The following NLK variants were observed in gnomAD, a reference collection of about 807,000 sequenced individuals.
NLK encodes serine/threonine-protein kinase NLK.
In NLK, 11 loss-of-function variants were observed where a neutral mutation model predicts 59.0. The ratio of observed to expected loss-of-function variants is 0.19; its 90% CI spans 0.12 to 0.31. The LOEUF is 0.31. NLK is among the 10% of genes least tolerant of loss of function. The pLI, the probability that NLK is intolerant of heterozygous loss-of-function variation, is 1.00. For missense variants in NLK, 410 were observed against 661.1 expected, an observed-to-expected ratio of 0.62 and a Z score of 4.16; for synonymous variants, 235 against 235.9, an observed-to-expected ratio of 1.00 and a Z score of 0.03.
chr17:28,087,238 T>G (rs1478075944), intron 1 of NLK, among the ~76,000 whole-genome samples: 1 of 152,160 alleles, frequency 6.6e-6, no homozygotes, highest in Non-Finnish European at 1.5e-5. Context: ...ATTTCAAATA[T>G]TATCTGATTT....
intron 8 of NLK, among the ~76,000 whole-genome samples, chr17:28,188,317 A>G (rs1909191565): frequency 6.6e-6 from 1 of 152,246 alleles, no homozygotes. Context: ...TTGTTACAGA[A>G]CTATTTTTAA....
intron 5 of NLK, 41 bp downstream of exon 5, chr17:28,163,669 A>G: frequency 8.7e-7 from 1 of 1,147,252 alleles, no homozygotes; most frequent in Non-Finnish European, 1.3e-6. Flanking sequence ...AAAAATCAGA[A>G]TGTCAGGGCA....
chr17:28,089,865 C>T (rs1904423190), intron 1 of NLK, among the ~76,000 whole-genome samples: 1 of 152,076 alleles, frequency 6.6e-6, no homozygotes, highest in Non-Finnish European at 1.5e-5. Flanking sequence ...CAAATCTTCT[C>T]TCTACTTTTA....
At chr17:28,110,920 C>T (rs1341851463) in intron 1 of NLK, among the ~76,000 whole-genome samples, 4 of 151,274 alleles carry the variant, frequency 2.6e-5, no homozygotes, top group Admixed American at 2.0e-4. Flanking sequence ...TCTCGGCTCA[C>T]TGCAAGCTCC....
At position 28,190,964 on chromosome 17, in the gene NLK, A is replaced by T. The variant is rs1009920930; in HGVS notation, c.1237-57A>T. On this transcript the variant is annotated intron_variant, in intron 8 of 10. Transcript: ENST00000407008. The stretch of plus-strand genomic sequence containing the variant: ...GTTAATGTGTCTTTTGAAAGATCCT[A>T]TGTGGACAGTCATTTTATCTGTAGT... The T allele has an allele frequency of 3.1e-5, 38 of 1,237,872 alleles. No individual in the cohort carries two copies. The South Asian group carries it at 4.2e-4, about 14-fold the overall frequency. 76.7% of individuals were successfully genotyped at this position (1,237,872 alleles called of 1,614,324 possible).
At chr17:28,097,445 CTCT>C (rs1416599268) in intron 1 of NLK, among the ~76,000 whole-genome samples, 5 of 152,130 alleles carry the variant, frequency 3.3e-5, no homozygotes, top group African/African-American at 1.2e-4. Context: ...TATATTTATT[CTCT>C]TCTTTGAATT....
intron 1 of NLK, among the ~76,000 whole-genome samples, chr17:28,074,531 T>G (rs1407134575): frequency 6.6e-6 from 1 of 152,158 alleles, no homozygotes; most frequent in East Asian, 1.9e-4. Flanking sequence ...AGGTTGTTTT[T>G]CTCCTGTTGC....
rs1567744135 is a variant in NLK, at chr17:28,195,016, A to AC, written c.*380_*381insC. 23 of 150,592 alleles carry AC rather than the reference A, an allele frequency of 1.5e-4. No homozygotes were observed. The highest frequency in any genetic ancestry group is 2.6e-4 in the Non-Finnish European group (18 of 70,502). The allele number at this position is 150,592 out of a possible 1,614,324, so 9.3% of individuals were successfully genotyped here. On this transcript the variant is annotated 3_prime_UTR_variant, in exon 11 of 11. Transcript: ENST00000407008. ...ACACACACACACACACACACACACA[A>AC]ACACAAAGGACAGTCATACATTTTG...
intron 1 of NLK, among the ~76,000 whole-genome samples, chr17:28,062,888 A>G (rs1415477668): frequency 1.3e-5 from 2 of 152,160 alleles, no homozygotes; most frequent in Non-Finnish European, 1.5e-5. Flanking sequence ...GCCGGGATAA[A>G]TAACTTTTAT....
chr17:28,149,993 T>G (rs1218370416), intron 3 of NLK, among the ~76,000 whole-genome samples: 1 of 152,228 alleles, frequency 6.6e-6, no homozygotes, highest in Non-Finnish European at 1.5e-5. Flanking sequence ...AATGGCAGTC[T>G]CATGTATTTC....
intron 1 of NLK, among the ~76,000 whole-genome samples, chr17:28,096,353 C>T (rs1904699977): frequency 6.6e-6 from 1 of 152,156 alleles, no homozygotes; most frequent in East Asian, 1.9e-4. Context: ...CATAGTTAAG[C>T]CAAGAAAATG....
At chr17:28,091,414 C>G (rs116819826) in intron 1 of NLK, among the ~76,000 whole-genome samples, 1 of 151,620 alleles carries the variant, frequency 6.6e-6, no homozygotes, top group South Asian at 2.1e-4. Context: ...TTTATCTGGG[C>G]AATGAGTACA....
chr17:28,092,052 A>C (rs1904513195), intron 1 of NLK, among the ~76,000 whole-genome samples: 1 of 152,224 alleles, frequency 6.6e-6, no homozygotes, highest in African/African-American at 2.4e-5. Context: ...AACAATATAC[A>C]GGTTTTTCTT....
intron 1 of NLK, among the ~76,000 whole-genome samples, chr17:28,106,217 A>G (rs750769340): frequency 1.3e-5 from 2 of 152,200 alleles, no homozygotes; most frequent in Admixed American, 6.5e-5. Flanking sequence ...ATAATTTTGC[A>G]TATTCAGAAC....
intron 2 of NLK, among the ~76,000 whole-genome samples, chr17:28,123,276 AAGCT>A (rs1177463020): frequency 1.3e-5 from 2 of 152,220 alleles, no homozygotes; most frequent in Non-Finnish European, 2.9e-5. Context: ...CTAAGAATAC[AAGCT>A]ATTAAATATG....
At chr17:28,185,116 T>C (rs1454020258) in intron 7 of NLK, 63 bp from the exon 8 acceptor site, 4 of 900,092 alleles carry the variant, frequency 4.4e-6, no homozygotes, top group Admixed American at 2.6e-5. Context: ...ATAAATTGGC[T>C]GTATTCCATA....
intron 7 of NLK, among the ~76,000 whole-genome samples, chr17:28,179,113 C>T (rs968378026): frequency 2.0e-5 from 3 of 152,192 alleles, no homozygotes; most frequent in Non-Finnish European, 4.4e-5. Flanking sequence ...CTCACTCCCA[C>T]ATTGCTAAGT....
At chr17:28,122,090 A>C (rs1906090795) in intron 1 of NLK, among the ~76,000 whole-genome samples, 1 of 152,232 alleles carries the variant, frequency 6.6e-6, no homozygotes, top group African/African-American at 2.4e-5. Context: ...AGGAGGGGAC[A>C]GTGTTCAACT....
At chr17:28,057,815 G>T (rs1437573576) in intron 1 of NLK, among the ~76,000 whole-genome samples, 1 of 152,068 alleles carries the variant, frequency 6.6e-6, no homozygotes, top group Admixed American at 6.6e-5. Context: ...CAGTAAATGA[G>T]CCATTGTTTC....
Sources: allele counts gnomAD v4.1 joint callset (sites outside exome capture counted in the v4.1 genomes callset), GRCh38; gene constraint gnomAD v4.1.1; transcripts MANE v1.5; gene names NCBI Gene and HGNC (gene_info 2026-07-23, HGNC 2026-07-21).